The following STXBP3 variants were observed in gnomAD, a reference collection of about 807,000 sequenced individuals.
The protein encoded by STXBP3 is syntaxin-binding protein 3.
Under a neutral mutation model 85.7 loss-of-function variants are expected in STXBP3, and 41 were observed. That is an observed-to-expected ratio of 0.48 (90% confidence interval 0.37 to 0.62). The LOEUF is 0.62. Among genes scored for constraint, STXBP3 ranks in the 20% least tolerant of loss-of-function variants. STXBP3 has a pLI of 0.00. For synonymous variants in STXBP3, 229 were observed against 231.7 expected (o/e 0.99, Z 0.10); for missense variants, 563 against 703.1 (o/e 0.80, Z 2.25).
At chr1:108,778,121 A>G (rs907383994) in intron 8 of STXBP3, among the ~76,000 whole-genome samples, 1 of 152,168 alleles carries the variant, frequency 6.6e-6, no homozygotes, top group African/African-American at 2.4e-5. Flanking sequence ...CTGAACCACC[A>G]TATCATACTG....
At chr1:108,781,223 G>A (rs1418982707) in intron 9 of STXBP3, 2 of 152,220 alleles carry the variant, frequency 1.3e-5, no homozygotes, top group African/African-American at 4.8e-5. Context: ...TTGGTCATCT[G>A]TAATCCACAC....
intron 6 of STXBP3, among the ~76,000 whole-genome samples, chr1:108,766,117 G>A (rs1662259755): frequency 6.6e-6 from 1 of 151,842 alleles, no homozygotes; most frequent in Non-Finnish European, 1.5e-5. Flanking sequence ...GCCTACCAAA[G>A]TGCTGGGGTT....
intron 6 of STXBP3, chr1:108,766,908 C>A: frequency 1.9e-6 from 1 of 528,274 alleles, no homozygotes; most frequent in Non-Finnish European, 3.8e-6. Context: ...ACAAAAGAAA[C>A]TGTAATATGG....
At chr1:108,796,792 G>T (rs1380462461) in intron 15 of STXBP3, 66 bp downstream of exon 15, 63 of 898,812 alleles carry the variant, frequency 7.0e-5, no homozygotes, top group South Asian at 3.3e-4. Context: ...TGTATTAACT[G>T]TTTTTTTTTT....
chr1:108,763,333 A>G (rs933565707), intron 6 of STXBP3, among the ~76,000 whole-genome samples: 3 of 152,058 alleles, frequency 2.0e-5, no homozygotes, highest in African/African-American at 7.2e-5. Flanking sequence ...CAGCCACTTT[A>G]CTCCAGGTTT....
rs775153173 is a variant in STXBP3 at position 108,753,153 on chromosome 1, T to G, written c.181+9T>G. ...AGAAGAAGGTATTACTGGTAAGTGT[T>G]ATTCTTGGCATGAACACTTTTTAAT... On this transcript the variant is annotated intron_variant, in intron 3 of 18. Transcript: ENST00000370008. 1 of 1,546,564 alleles carries G rather than the reference T, an allele frequency of 6.5e-7. No homozygotes were observed. Among genetic ancestry groups the G allele is most frequent in the Non-Finnish European group, 8.7e-7 (1 of 1,148,394 alleles).
chr1:108,796,753 C>A, intron 15 of STXBP3, 27 bp downstream of exon 15: 2 of 1,568,086 alleles, frequency 1.3e-6, no homozygotes, highest in Non-Finnish European at 1.7e-6. Context: ...TGTGTATATA[C>A]TTTATATGTA....
intron 3 of STXBP3, among the ~76,000 whole-genome samples, chr1:108,755,949 G>T (rs567475038): frequency 6.6e-6 from 1 of 152,062 alleles, no homozygotes; most frequent in Non-Finnish European, 1.5e-5. Context: ...TCTCTTGCCC[G>T]TCACATTAAT....
chr1:108,793,779 A>G (rs1663029024), intron 12 of STXBP3, 132 bp downstream of exon 12: 1 of 619,746 alleles, frequency 1.6e-6, no homozygotes, highest in Non-Finnish European at 2.7e-6. Context: ...ACCTTACTAT[A>G]GGTCTGAGAG....
At position 108,782,503 on chromosome 1, in the gene STXBP3, T is replaced by C; in HGVS notation, c.891T>C (p.Ile297=). ...DLWVRIRHRH[I]AVVLEEIPKL... ...GGGTTAGAATTCGACATCGACATAT[T>C]GCGGTTGTGTTAGAGTATGTGAACT... Residue 297 remains isoleucine (I), a synonymous_variant, in exon 10 of 19, where the codon ATT becomes ATC. Coordinates refer to ENST00000370008, the MANE Select transcript of STXBP3 (RefSeq NM_007269.4). 2.5e-6 allele frequency: 4 copies of C among 1,613,584 alleles called. No homozygotes were observed. Among genetic ancestry groups the C allele is most frequent in the South Asian group, 1.1e-5 (1 of 90,894 alleles).
At chr1:108,756,895 G>A in intron 4 of STXBP3, 129 bp downstream of exon 4, 1 of 553,212 alleles carries the variant, frequency 1.8e-6, no homozygotes, top group Non-Finnish European at 2.9e-6. Flanking sequence ...AGTTTGCTTA[G>A]GAAAGTTTTT....
At chr1:108,793,779 A>T in intron 12 of STXBP3, 132 bp downstream of exon 12, 1 of 619,746 alleles carries the variant, frequency 1.6e-6, no homozygotes, top group Non-Finnish European at 2.7e-6. Context: ...ACCTTACTAT[A>T]GGTCTGAGAG....
intron 17 of STXBP3, among the ~76,000 whole-genome samples, chr1:108,802,717 G>T (rs1663257681): frequency 6.6e-6 from 1 of 152,204 alleles, no homozygotes. Context: ...GTTTTGTTTT[G>T]TTTTCCCCAC....
chr1:108,791,443 C>G (rs1276483438), intron 11 of STXBP3, among the ~76,000 whole-genome samples: 2 of 151,664 alleles, frequency 1.3e-5, no homozygotes, highest in Admixed American at 6.6e-5. Context: ...TCCTTTTGTC[C>G]CATCCTCTCT....
intron 4 of STXBP3, among the ~76,000 whole-genome samples, chr1:108,757,539 T>G (rs1308693041): frequency 6.6e-6 from 1 of 151,920 alleles, no homozygotes; most frequent in Non-Finnish European, 1.5e-5. Flanking sequence ...AAAATGCAAC[T>G]TAAAAGTACC....
At chr1:108,782,221 T>C in intron 9 of STXBP3, 1 of 463,648 alleles carries the variant, frequency 2.2e-6, no homozygotes. Flanking sequence ...TGAAAATGTC[T>C]TGGTAGGCTT....
chr1:108,794,902 G>T lies in STXBP3; in HGVS notation c.1105G>T (p.Glu369Ter). 1 of 1,603,182 alleles carries T rather than the reference G, an allele frequency of 6.2e-7. No homozygotes were observed. The highest frequency in any genetic ancestry group is 1.1e-5 in the South Asian group (1 of 89,690). ...KLNIEKLCKTEQDLALGTDAE... is the reference protein window; with the variant it reads ...KLNIEKLCKT The stretch of plus-strand genomic sequence containing the variant: ...TAATATAGAAAAGCTCTGCAAAACT[G>T]AACAGGTATGTGCAGAGTCAGAAAT... Residue 369 changes from glutamate to a stop codon, truncating the protein, a stop_gained, in exon 13 of 19, where the codon GAA becomes TAA. Transcript: ENST00000370008. LOFTEE classifies it high-confidence loss of function.
rs149724450 is a variant in STXBP3 at position 108,790,331 on chromosome 1, C to G, written c.964-3251C>G. On this transcript the variant is annotated intron_variant, in intron 11 of 18. Coordinates refer to ENST00000370008, the MANE Select transcript of STXBP3 (RefSeq NM_007269.4). ...TGGCCTTTTATCATCATAAAATGTCCCTTTTATTACTTGCAGTATTTCTTG... is the reference window on the plus strand; with the variant it reads ...TGGCCTTTTATCATCATAAAATGTCGCTTTTATTACTTGCAGTATTTCTTG... Among the ~76,000 whole-genome samples the G allele has an allele frequency of 2.2e-3, 338 of 152,016 alleles. 4 individuals are homozygous for G. The highest frequency in any genetic ancestry group is 7.7e-3 in the African/African-American group (318 of 41,504).
intron 6 of STXBP3, among the ~76,000 whole-genome samples, chr1:108,768,099 T>G (rs1662307821): frequency 6.6e-6 from 1 of 152,224 alleles, no homozygotes; most frequent in African/African-American, 2.4e-5. Flanking sequence ...AGAAGCATCT[T>G]GTAGTCGGCC....
Sources: gnomAD v4.1 joint callset for allele counts (sites outside exome capture counted in the v4.1 genomes callset) on GRCh38, gnomAD v4.1.1 for gene constraint, MANE v1.5 for transcripts, NCBI Gene and HGNC (gene_info 2026-07-23, HGNC 2026-07-21) for gene names.